Variants in ABCC1 observed in about 807,000 individuals in gnomAD.
ABCC1 encodes the protein multidrug resistance-associated protein 1.
A neutral mutation model predicts 172.9 loss-of-function variants in ABCC1; 83 were observed. That is an observed-to-expected ratio of 0.48 (90% CI 0.40 to 0.58). ABCC1 has a LOEUF of 0.58. Among genes scored for constraint, ABCC1 ranks in the 20% least tolerant of loss-of-function variants. ABCC1 has a pLI of 0.00. For synonymous variants in ABCC1, 937 were observed against 825.2 expected (o/e 1.14, Z -2.32); for missense variants, 1,817 against 2,002.7 (o/e 0.91, Z 1.77).
intron 23 of ABCC1, among the ~76,000 whole-genome samples, chr16:16,115,856 A>T (rs972406655): frequency 1.2e-4 from 18 of 152,002 alleles, no homozygotes; most frequent in Non-Finnish European, 2.5e-4. Flanking sequence ...TTAAAAATTT[A>T]AAAAATCTTA....
At position 15,978,720 on chromosome 16, in the gene ABCC1, G is replaced by T. The variant is rs575929351; in HGVS notation, c.48+28921G>T. Among the ~76,000 whole-genome samples, 3 of 152,210 alleles carry T rather than the reference G, an allele frequency of 2.0e-5. No homozygotes were observed. The South Asian group carries it at 6.2e-4, about 32-fold the overall frequency. On this transcript the variant is annotated intron_variant, in intron 1 of 30. Coordinates refer to ENST00000399410, the MANE Select transcript of ABCC1 (RefSeq NM_004996.4). Reference sequence around the variant, plus strand: ...CACTAAATACTGGTGGCAGGAGTGGGACCACATAGAAAAAAATATTAAGGC... The same window carrying T: ...CACTAAATACTGGTGGCAGGAGTGGTACCACATAGAAAAAAATATTAAGGC...
intron 12 of ABCC1, among the ~76,000 whole-genome samples, chr16:16,060,643 C>G (rs950110592): frequency 2.0e-5 from 3 of 151,310 alleles, no homozygotes; most frequent in Admixed American, 6.6e-5. Context: ...TGCCTCAGTC[C>G]CCCGACTAGC....
At chr16:16,138,150 T>G (rs1400699353) in intron 29 of ABCC1, among the ~76,000 whole-genome samples, 2 of 152,092 alleles carry the variant, frequency 1.3e-5, no homozygotes, top group Non-Finnish European at 2.9e-5. Flanking sequence ...AGCTGCTGTT[T>G]TGAGAATGAT....
At chr16:16,069,300 G>C (rs991636972) in intron 13 of ABCC1, among the ~76,000 whole-genome samples, 6 of 152,040 alleles carry the variant, frequency 3.9e-5, no homozygotes, top group African/African-American at 1.4e-4. Flanking sequence ...GCTGAGCTTG[G>C]GAAGTTGAGG....
At chr16:16,103,878 C>T (rs1036692392) in intron 20 of ABCC1, among the ~76,000 whole-genome samples, 2 of 152,298 alleles carry the variant, frequency 1.3e-5, no homozygotes, top group South Asian at 2.1e-4. Context: ...CAGACCCTCA[C>T]GGTGAGTGTT....
intron 1 of ABCC1, among the ~76,000 whole-genome samples, chr16:15,975,936 G>T (rs993284875): frequency 3.3e-5 from 5 of 152,076 alleles, no homozygotes; most frequent in Non-Finnish European, 7.4e-5. Context: ...TCTTGCTTTG[G>T]GGGGAAATGA....
chr16:16,044,156 G>A (rs756235226), intron 7 of ABCC1, among the ~76,000 whole-genome samples: 14 of 152,280 alleles, frequency 9.2e-5, no homozygotes, highest in Middle Eastern at 3.4e-3. Context: ...TTGGAGGTAG[G>A]TCCTACTTTT....
chr16:16,102,643 C>T lies in ABCC1; in HGVS notation c.2661C>T (p.Ser887=), dbSNP rs201709358. Residue 887 remains serine (S), a synonymous_variant, in exon 20 of 31, where the codon AGC becomes AGT. Coordinates refer to ENST00000399410, the MANE Select transcript of ABCC1 (RefSeq NM_004996.4). ...TTCTGCCAGGGGTCACGGGCGTCAG[C>T]GGTCCAGGGAAGGAAGCAAAGCAAA... The part of the protein sequence containing the change: ...DAEENGVTGV[S]GPGKEAKQME... 1.0e-4 allele frequency: 160 copies of T among 1,584,926 alleles called. 1 individual carries two copies. Among genetic ancestry groups the T allele is most frequent in the Middle Eastern group, 1.7e-4 (1 of 6,046 alleles).
chr16:15,989,090 A>T (rs1035847759), intron 1 of ABCC1, among the ~76,000 whole-genome samples: 32 of 145,434 alleles, frequency 2.2e-4, no homozygotes, highest in Admixed American at 1.9e-3. Context: ...AAAAAAAAAA[A>T]AATTAGTTTT....
intron 4 of ABCC1, 46 bp from the exon 5 acceptor site, chr16:16,016,450 A>G (rs1412012713): frequency 2.5e-6 from 4 of 1,610,082 alleles, no homozygotes; most frequent in Non-Finnish European, 1.7e-6. Context: ...CACCACACCC[A>G]GCCCCAGAAT....
At chr16:16,071,773 C>T (rs1187919985) in intron 14 of ABCC1, 44 bp downstream of exon 14, 2 of 1,531,178 alleles carry the variant, frequency 1.3e-6, no homozygotes, top group East Asian at 2.3e-5. Flanking sequence ...GGCCGCCTTC[C>T]CATCTCCCAC....
chr16:16,047,042 A>T (rs750623160), intron 9 of ABCC1, among the ~76,000 whole-genome samples: 25 of 152,158 alleles, frequency 1.6e-4, no homozygotes, highest in South Asian at 8.3e-4. Flanking sequence ...CAGAAAATTT[A>T]AAAAAATTAG....
chr16:16,090,587 C>A lies in ABCC1; in HGVS notation c.2643C>A (p.Asn881Lys). The A allele has an allele frequency of 2.5e-6, 4 of 1,584,246 alleles. No individual in the cohort carries two copies. Among genetic ancestry groups the A allele is most frequent in the Non-Finnish European group, 3.4e-6 (4 of 1,160,140 alleles). Reference sequence around the variant, plus strand: ...AGCAGGAGCAGGATGCAGAGGAGAACGGTAGGGGCAGCCCCAGGGTTCCAC... The same window carrying A: ...AGCAGGAGCAGGATGCAGAGGAGAAAGGTAGGGGCAGCCCCAGGGTTCCAC... Reference protein sequence around the residue: ...STEQEQDAEENGVTGVSGPGK... With the variant: ...STEQEQDAEEKGVTGVSGPGK... The change falls in exon 19 of 31, where the codon AAC (asparagine) becomes AAA (lysine). Residue 881 changes from asparagine (N) to lysine (K), a missense_variant and splice_region_variant. Physicochemically the swap from Asn to Lys is moderately conservative, Grantham distance 94 (BLOSUM62 0). Around this residue, in one of 3 missense-constraint regions of ABCC1, gnomAD observed 1,412 missense variants for 1,600.3 expected, o/e 0.88. Coordinates refer to ENST00000399410, the MANE Select transcript of ABCC1 (RefSeq NM_004996.4).
intron 17 of ABCC1, among the ~76,000 whole-genome samples, chr16:16,084,226 C>A (rs1005999793): frequency 1.3e-5 from 2 of 151,658 alleles, no homozygotes; most frequent in African/African-American, 4.8e-5. Context: ...CCTCAGCTTC[C>A]TGAGGGGCTG....
At chr16:15,986,269 G>T (rs79344053) in intron 1 of ABCC1, among the ~76,000 whole-genome samples, 1 of 151,638 alleles carries the variant, frequency 6.6e-6, no homozygotes, top group Non-Finnish European at 1.5e-5. Context: ...TATTCCCACC[G>T]TCCTCTTGTC....
chr16:15,972,787 CTTTTTT>C lies in ABCC1; in HGVS notation c.48+23008_48+23013del, dbSNP rs35086205. On this transcript the variant is annotated intron_variant, in intron 1 of 30. Transcript: ENST00000399410. The stretch of plus-strand genomic sequence containing the variant: ...TGTCCAACATGTACTTATTTTTTAA[CTTTTTT>C]TTTTTTTTTTTTTTTTTTTGAGGCA... Among the ~76,000 whole-genome samples, 38 of 89,338 alleles carry C rather than the reference CTTTTTT, an allele frequency of 4.3e-4. 1 individual carries two copies. The highest frequency in any genetic ancestry group is 7.1e-4 in the East Asian group (2 of 2,818). 58.6% of individuals were successfully genotyped at this position (89,338 alleles called of 152,430 possible). A position where few individuals can be genotyped will look rare whatever the true frequency, so the allele number is the denominator to read the frequency against.
At chr16:16,088,858 C>T (rs939523925) in intron 18 of ABCC1, among the ~76,000 whole-genome samples, 1 of 152,142 alleles carries the variant, frequency 6.6e-6, no homozygotes, top group Non-Finnish European at 1.5e-5. Flanking sequence ...CATGCAGCAC[C>T]ATGCCTGGCT....
intron 19 of ABCC1, among the ~76,000 whole-genome samples, chr16:16,100,907 T>G (rs994890271): frequency 6.6e-6 from 1 of 152,254 alleles, no homozygotes; most frequent in Admixed American, 6.5e-5. Flanking sequence ...TCACAGTTCC[T>G]GGAGCTCTAA....
At position 16,056,431 on chromosome 16, in the gene ABCC1, C is replaced by G. The variant is rs1330043157; in HGVS notation, c.1677+136C>G. The G allele has an allele frequency of 1.2e-5, 12 of 996,316 alleles. No individual in the cohort carries two copies. The African/African-American group carries it at 1.9e-4, about 16-fold the overall frequency. 61.7% of individuals were successfully genotyped at this position (996,316 alleles called of 1,614,324 possible). ...TTGGTAATCCCAGCACTCTGGGAGG[C>G]CAAAGCAGGTGGATCACCTGAGGTC... On this transcript the variant is annotated intron_variant, in intron 12 of 30. Transcript: ENST00000399410.
Sources: gnomAD v4.1 joint callset for allele counts (sites outside exome capture counted in the v4.1 genomes callset) on GRCh38, gnomAD v4.1.1 for gene constraint, gnomAD v4.1.1 regional missense constraint, MANE v1.5 for transcripts, NCBI Gene and HGNC (gene_info 2026-07-23, HGNC 2026-07-21) for gene names.